Variants in KCNU1 observed in about 807,000 individuals in gnomAD.
KCNU1 encodes potassium channel subfamily U member 1.
KCNU1 carries 93 observed loss-of-function variants against 126.8 expected under a neutral mutation model. That is an observed-to-expected ratio of 0.73 (90% CI 0.62 to 0.87). KCNU1 has a LOEUF of 0.87. Ranked by LOEUF, KCNU1 falls within the 40% of genes least tolerant of loss-of-function variation. KCNU1 has a pLI of 0.00. For synonymous variants in KCNU1, 523 were observed against 494.2 expected, an observed-to-expected ratio of 1.06 and a Z score of -0.77; for missense variants, 1,330 against 1,367.1, an observed-to-expected ratio of 0.97 and a Z score of 0.43.
intron 1 of KCNU1, among the ~76,000 whole-genome samples, chr8:36,786,563 G>C (rs1477331763): frequency 6.6e-6 from 1 of 152,064 alleles, no homozygotes; most frequent in Non-Finnish European, 1.5e-5. Context: ...GCTTGGTGTG[G>C]GTAGTCCTAG....
chr8:36,919,000 C>A lies in KCNU1; in HGVS notation c.2596+103C>A, dbSNP rs1808233255. The A allele has an allele frequency of 9.1e-6, 7 of 767,282 alleles. No individual in the cohort carries two copies. In the South Asian group the frequency reaches 1.1e-4, roughly 12 times the overall value. 47.5% of individuals were successfully genotyped at this position (767,282 alleles called of 1,614,324 possible). On this transcript the variant is annotated intron_variant, in intron 23 of 26. Coordinates refer to ENST00000399881, the MANE Select transcript of KCNU1 (RefSeq NM_001031836.3). ...AATGCACAATCACAGGACTCAGGAACCAGAATGGGGCTCAGAGCTTTAAGT... is the reference window on the plus strand; with the variant it reads ...AATGCACAATCACAGGACTCAGGAAACAGAATGGGGCTCAGAGCTTTAAGT...
intron 4 of KCNU1, 85 bp from the exon 5 acceptor site, chr8:36,806,184 A>T: frequency 1.4e-6 from 1 of 738,144 alleles, no homozygotes; most frequent in South Asian, 1.9e-5. Flanking sequence ...CTGATAAGTA[A>T]AATGCAGCTG....
chr8:36,815,074 C>T (rs1395278492), intron 8 of KCNU1, among the ~76,000 whole-genome samples: 2 of 152,082 alleles, frequency 1.3e-5, no homozygotes, highest in African/African-American at 4.8e-5. Flanking sequence ...CTCAGGCCTG[C>T]AATCCCAGCA....
chr8:36,908,881 T>A (rs1807745874), intron 20 of KCNU1, among the ~76,000 whole-genome samples: 1 of 152,152 alleles, frequency 6.6e-6, no homozygotes. Context: ...TGCTGTAATT[T>A]TCAGGACTCA....
intron 24 of KCNU1, among the ~76,000 whole-genome samples, chr8:36,930,199 G>C (rs1271089053): frequency 1.3e-5 from 2 of 152,040 alleles, no homozygotes; most frequent in Non-Finnish European, 2.9e-5. Flanking sequence ...ATATTCCAAT[G>C]ACCTTTCCAT....
chr8:36,891,505 T>A (rs2117446820), intron 19 of KCNU1, among the ~76,000 whole-genome samples: 1 of 152,150 alleles, frequency 6.6e-6, no homozygotes, highest in East Asian at 1.9e-4. Context: ...CATAGAGAGA[T>A]AATACTATCT....
intron 2 of KCNU1, among the ~76,000 whole-genome samples, chr8:36,789,727 T>C (rs1490768001): frequency 6.6e-6 from 1 of 152,104 alleles, no homozygotes; most frequent in African/African-American, 2.4e-5. Context: ...ATCACAGTGG[T>C]GAGAGAAAAA....
chr8:36,932,528 A>G (rs1585583810), intron 25 of KCNU1, among the ~76,000 whole-genome samples: 2 of 152,040 alleles, frequency 1.3e-5, no homozygotes, highest in Non-Finnish European at 1.5e-5. Flanking sequence ...GATCTGTTTT[A>G]CAGTAGGGTA....
At chr8:36,910,115 G>A (rs1312564657) in intron 21 of KCNU1, among the ~76,000 whole-genome samples, 1 of 152,054 alleles carries the variant, frequency 6.6e-6, no homozygotes, top group Non-Finnish European at 1.5e-5. Flanking sequence ...ACTGGTTGAG[G>A]AGTCCATTAT....
chr8:36,804,018 C>A lies in KCNU1; in HGVS notation c.316-9C>A. 6.5e-7 allele frequency: 1 copy of A among 1,543,692 alleles called. No homozygotes were observed. On this transcript the variant is annotated splice_polypyrimidine_tract_variant and intron_variant, in intron 2 of 26. Transcript: ENST00000399881. ...GATTTAGACATTTGTCCCTGTTTTT[C>A]ATTTTCAGGTGATCCTTGTCTTTGT...
At chr8:36,892,134 G>T (rs772471952) in intron 19 of KCNU1, among the ~76,000 whole-genome samples, 1 of 151,990 alleles carries the variant, frequency 6.6e-6, no homozygotes. Flanking sequence ...TGAAGCTTCT[G>T]TGTATATTTC....
intron 2 of KCNU1, among the ~76,000 whole-genome samples, chr8:36,787,852 T>C (rs1802768198): frequency 1.5e-5 from 2 of 129,996 alleles, no homozygotes; most frequent in South Asian, 4.8e-4. Context: ...GTAATATATA[T>C]TGACTAATTA....
chr8:36,850,089 G>A (rs577512405), intron 18 of KCNU1, among the ~76,000 whole-genome samples: 3 of 152,202 alleles, frequency 2.0e-5, no homozygotes, highest in African/African-American at 7.2e-5. Flanking sequence ...TTCATGAGGA[G>A]CTCATTGACC....
rs1471332332 is a variant in KCNU1, at chr8:36,836,928, G to A, written c.1501G>A (p.Val501Met). 2 of 1,613,690 alleles carry A rather than the reference G, an allele frequency of 1.2e-6. No individual in the cohort carries two copies. The highest frequency in any genetic ancestry group is 1.7e-6 in the Non-Finnish European group (2 of 1,179,740). The change falls in exon 14 of 27, where the codon GTG (valine) becomes ATG (methionine). Residue 501 changes from valine to methionine, a missense_variant. Val to Met is a conservative substitution (Grantham distance 21). Coordinates refer to ENST00000399881, the MANE Select transcript of KCNU1 (RefSeq NM_001031836.3). ...GLCTFLTSLF[V>M]EQNKKVMPKQ... Reference sequence around the variant, plus strand: ...GTGTACCTTCCTAACATCTCTATTTGTGGAGCAAAACAAAAAGGTAACCTT... The same window carrying A: ...GTGTACCTTCCTAACATCTCTATTTATGGAGCAAAACAAAAAGGTAACCTT...
intron 10 of KCNU1, among the ~76,000 whole-genome samples, chr8:36,818,032 G>A (rs1158508913): frequency 2.0e-5 from 3 of 152,078 alleles, no homozygotes; most frequent in South Asian, 2.1e-4. Context: ...TATCATACAT[G>A]ACTATAATCT....
At chr8:36,856,636 C>T (rs929123198) in intron 18 of KCNU1, among the ~76,000 whole-genome samples, 4 of 152,114 alleles carry the variant, frequency 2.6e-5, no homozygotes, top group East Asian at 1.9e-4. Context: ...GTAAGCTCTC[C>T]GCTTCTGTTA....
At chr8:36,817,806 A>T in intron 10 of KCNU1, 46 bp downstream of exon 10, 2 of 897,424 alleles carry the variant, frequency 2.2e-6, no homozygotes, top group Non-Finnish European at 3.7e-6. Context: ...AATACTTAAA[A>T]TACGTGTGAA....
At chr8:36,925,469 G>A (rs1485557579) in intron 24 of KCNU1, among the ~76,000 whole-genome samples, 2 of 152,162 alleles carry the variant, frequency 1.3e-5, no homozygotes, top group African/African-American at 2.4e-5. Flanking sequence ...TGAACACACT[G>A]TAACACTATT....
chr8:36,935,528 C>T lies in KCNU1; in HGVS notation c.3058C>T (p.Arg1020Trp), dbSNP rs1808825048. 18 of 1,597,412 alleles carry T rather than the reference C, an allele frequency of 1.1e-5. No individual in the cohort carries two copies. Among genetic ancestry groups the T allele is most frequent in the Non-Finnish European group, 1.5e-5 (17 of 1,170,684 alleles). Residue 1020 changes from arginine to tryptophan, a missense_variant, in exon 27 of 27, where the codon CGG becomes TGG. Arg to Trp is a moderately radical substitution (Grantham distance 101). Transcript: ENST00000399881. ...NPENKRFVIT[R>W]PANEFKLLPS... is the part of the protein sequence containing the mutation. ...CTTGTCTTACAGGTTTGTGATCACCCGGCCAGCCAATGAGTTCAAGCTGCT... is the reference window on the plus strand; with the variant it reads ...CTTGTCTTACAGGTTTGTGATCACCTGGCCAGCCAATGAGTTCAAGCTGCT...
Sources: allele counts gnomAD v4.1 joint callset (sites outside exome capture counted in the v4.1 genomes callset), GRCh38; gene constraint gnomAD v4.1.1; transcripts MANE v1.5; gene names NCBI Gene and HGNC (gene_info 2026-07-23, HGNC 2026-07-21).